The following PLCG2 variants were observed in gnomAD, a reference collection of about 807,000 sequenced individuals.
PLCG2 encodes the protein 1-phosphatidylinositol 4,5-bisphosphate phosphodiesterase gamma-2.
In PLCG2, 69 loss-of-function variants were observed where a neutral mutation model predicts 175.6. The observed-to-expected ratio is 0.39, with a 90% CI of 0.32 to 0.48. PLCG2 has a LOEUF of 0.48. Ranked by LOEUF, PLCG2 falls within the 20% of genes least tolerant of loss-of-function variation. PLCG2 has a pLI of 0.91. For synonymous variants in PLCG2, 827 were observed against 624.0 expected (o/e 1.33, Z -4.85); for missense variants, 1,798 against 1,650.9 (o/e 1.09, Z -1.54).
At chr16:81,752,531 C>T (rs1187681051) in intron 1 of PLCG2, among the ~76,000 whole-genome samples, 2 of 152,190 alleles carry the variant, frequency 1.3e-5, no homozygotes, top group Admixed American at 6.5e-5. Flanking sequence ...CTCAGCCCCT[C>T]GGCTGAGGGC....
intron 13 of PLCG2, among the ~76,000 whole-genome samples, chr16:81,899,045 T>A (rs554936152): frequency 3.9e-5 from 6 of 151,988 alleles, no homozygotes; most frequent in Non-Finnish European, 7.4e-5. Context: ...AAAAATTAAC[T>A]GGGCATGCTG....
intron 1 of PLCG2, among the ~76,000 whole-genome samples, chr16:81,741,484 TAC>T (rs999256129): frequency 6.6e-6 from 1 of 152,188 alleles, no homozygotes; most frequent in African/African-American, 2.4e-5. Flanking sequence ...ATTTATGGGT[TAC>T]AGAGTGACAT....
intron 7 of PLCG2, among the ~76,000 whole-genome samples, chr16:81,880,401 A>C (rs575837683): frequency 6.6e-6 from 1 of 152,344 alleles, no homozygotes; most frequent in Admixed American, 6.5e-5. Context: ...ACTCTGTAGA[A>C]AAACTGGCAC....
chr16:81,746,539 G>A (rs1909711346), intron 1 of PLCG2, among the ~76,000 whole-genome samples: 1 of 152,194 alleles, frequency 6.6e-6, no homozygotes, highest in South Asian at 2.1e-4. Flanking sequence ...GCCGGGAGGG[G>A]ATGAACAACT....
chr16:81,898,410 T>G (rs1246245938), intron 13 of PLCG2: 3 of 152,538 alleles, frequency 2.0e-5, no homozygotes, highest in Non-Finnish European at 4.4e-5. Context: ...TAAAAGCTTT[T>G]TAGCTGTTAT....
At chr16:81,858,487 G>A in intron 4 of PLCG2, 131 bp downstream of exon 4, 1 of 693,052 alleles carries the variant, frequency 1.4e-6, no homozygotes, top group Admixed American at 2.2e-5. Context: ...TGAGTGTCTT[G>A]TATGCAATGG....
intron 2 of PLCG2, among the ~76,000 whole-genome samples, chr16:81,846,055 G>A (rs1906097473): frequency 6.6e-6 from 1 of 152,192 alleles, no homozygotes; most frequent in Admixed American, 6.5e-5. Flanking sequence ...ATGCTGTTGT[G>A]CCCCACTCAG....
At chr16:81,758,968 G>A (rs1253093262) in intron 2 of PLCG2, among the ~76,000 whole-genome samples, 10 of 152,220 alleles carry the variant, frequency 6.6e-5, no homozygotes, top group Middle Eastern at 3.4e-3. Context: ...GTGAGCCACC[G>A]CACCCGGCTA....
chr16:81,789,452 G>A (rs1911127976), intron 2 of PLCG2, among the ~76,000 whole-genome samples: 1 of 152,134 alleles, frequency 6.6e-6, no homozygotes, highest in African/African-American at 2.4e-5. Context: ...ACCATGCCTG[G>A]CTGATTTTTT....
Position 81,780,260 on chromosome 16 carries a change from C to T in PLCG2, c.-48+836C>T, listed in dbSNP as rs183525841. On this transcript the variant is annotated intron_variant, in intron 1 of 32. Coordinates refer to ENST00000564138, the MANE Select transcript of PLCG2 (RefSeq NM_002661.5). ...GTGGGACCCTGGGCAAGTTGAAGAA[C>T]CTTTTTGAGTCTGTTTCCCCCTCTG... 2.6e-5 allele frequency among the ~76,000 whole-genome samples: 4 copies of T among 152,260 alleles called. No individual in the cohort carries two copies. The East Asian group carries it at 7.7e-4, about 29-fold the overall frequency.
chr16:81,742,526 A>G (rs756459740), intron 1 of PLCG2, among the ~76,000 whole-genome samples: 6 of 152,194 alleles, frequency 3.9e-5, no homozygotes, highest in Admixed American at 6.5e-5. Context: ...GTCTTAGTCC[A>G]GCCAGGAAAG....
At chr16:81,923,396 G>C in intron 21 of PLCG2, 89 bp from the exon 22 acceptor site, 1 of 741,492 alleles carries the variant, frequency 1.3e-6, no homozygotes, top group East Asian at 2.6e-5. Flanking sequence ...GCTCCCCAAT[G>C]AGAAGAACCA....
chr16:81,794,226 T>C (rs1026076680), intron 2 of PLCG2, among the ~76,000 whole-genome samples: 4 of 152,210 alleles, frequency 2.6e-5, no homozygotes, highest in Admixed American at 2.6e-4. Flanking sequence ...AGTGAGAGTT[T>C]ACTGTATTTT....
intron 1 of PLCG2, chr16:81,739,691 CT>C (rs1449935004): frequency 1.3e-5 from 2 of 152,276 alleles, no homozygotes; most frequent in Middle Eastern, 3.1e-3. Flanking sequence ...CGGCCTGGGG[CT>C]GAATCCTGGC....
At chr16:81,749,919 A>G (rs945176766) in intron 1 of PLCG2, among the ~76,000 whole-genome samples, 18 of 152,166 alleles carry the variant, frequency 1.2e-4, no homozygotes, top group South Asian at 4.1e-4. Context: ...AGTGTAATCC[A>G]TCTACGCGGC....
intron 2 of PLCG2, among the ~76,000 whole-genome samples, chr16:81,819,488 C>T (rs193002791): frequency 2.8e-4 from 42 of 152,320 alleles, no homozygotes; most frequent in Non-Finnish European, 1.5e-4. Context: ...CTCCTGGCTC[C>T]TCGCCCACTG....
chr16:81,894,514 C>G (rs1433528672), intron 12 of PLCG2, among the ~76,000 whole-genome samples: 5 of 152,182 alleles, frequency 3.3e-5, no homozygotes, highest in Non-Finnish European at 5.9e-5. Flanking sequence ...TTCTCATAGC[C>G]TCTCTGGCTA....
At chr16:81,810,802 G>T (rs147468764) in intron 2 of PLCG2, among the ~76,000 whole-genome samples, 1 of 152,292 alleles carries the variant, frequency 6.6e-6, no homozygotes, top group African/African-American at 2.4e-5. Flanking sequence ...GATAGAAGGA[G>T]ACAGGGTCTT....
At position 81,856,137 on chromosome 16, in the gene PLCG2, T is replaced by C. The variant is rs1386302770; in HGVS notation, c.337+1550T>C. Among the ~76,000 whole-genome samples the C allele has an allele frequency of 2.0e-5, 3 of 152,192 alleles. No individual in the cohort carries two copies. In the East Asian group the frequency reaches 5.8e-4, roughly 29 times the overall value. Reference sequence around the variant, plus strand: ...CAAGATTTTGATTCACATTCCATCTTCTCACTTACTGGCTCTGAGACAAAC... The same window carrying C: ...CAAGATTTTGATTCACATTCCATCTCCTCACTTACTGGCTCTGAGACAAAC... On this transcript the variant is annotated intron_variant, in intron 3 of 32. Transcript: ENST00000564138.
Sources: allele counts gnomAD v4.1 joint callset (sites outside exome capture counted in the v4.1 genomes callset), GRCh38; gene constraint gnomAD v4.1.1; transcripts MANE v1.5; gene names NCBI Gene and HGNC (gene_info 2026-07-23, HGNC 2026-07-21).